The following OTOP1 variants were observed in gnomAD, a reference collection of about 807,000 sequenced individuals.
The protein encoded by OTOP1 is otopetrin 1.
OTOP1 carries 59 observed loss-of-function variants against 52.9 expected under a neutral mutation model. The observed-to-expected ratio is 1.12, with a 90% CI of 0.91 to 1.39. The LOEUF (loss-of-function observed/expected upper bound fraction) is 1.39. OTOP1 is among the 40% of genes most tolerant of loss of function. The probability of loss-of-function intolerance (pLI) is 0.00; values close to 1 mark genes in which losing one functional copy is unlikely to be tolerated. For synonymous variants in OTOP1, 317 were observed against 337.7 expected (o/e 0.94, Z 0.67); for missense variants, 761 against 800.9 (o/e 0.95, Z 0.60).
At chr4:4,207,647 T>C (rs2108801238) in intron 2 of OTOP1, among the ~76,000 whole-genome samples, 2 of 152,262 alleles carry the variant, frequency 1.3e-5, no homozygotes, top group Middle Eastern at 6.8e-3. Flanking sequence ...CTCACAAAGA[T>C]ATTTGTCCAC....
intron 5 of OTOP1, among the ~76,000 whole-genome samples, chr4:4,189,179 T>C (rs1194877990): frequency 6.6e-6 from 1 of 152,152 alleles, no homozygotes; most frequent in Non-Finnish European, 1.5e-5. Context: ...GCTCACTTCC[T>C]CAACCACCCT....
At chr4:4,193,015 C>G (rs1258165731) in intron 5 of OTOP1, among the ~76,000 whole-genome samples, 1 of 152,018 alleles carries the variant, frequency 6.6e-6, no homozygotes, top group African/African-American at 2.4e-5. Flanking sequence ...AAAGTGGGTG[C>G]AATGGGAAAG....
chr4:4,212,941 A>C lies in OTOP1; in HGVS notation c.467T>G (p.Ile156Ser). ...GGCTGATAAACATTCTGAAAATCCA[A>C]TGAAGTATCCAATTTTAAGGCATCC... ...ILGCLKIGYF[I>S]GFSECLSATE... The change falls in exon 2 of 6, where the codon ATT becomes AGT. Residue 156 changes from isoleucine to serine, a missense_variant. Ile to Ser is a moderately radical substitution (Grantham distance 142, BLOSUM62 -2). Transcript: ENST00000296358. The C allele has an allele frequency of 2.5e-6, 4 of 1,614,080 alleles. No individual in the cohort carries two copies. The highest frequency in any genetic ancestry group is 3.4e-6 in the Non-Finnish European group (4 of 1,179,916).
At chr4:4,211,558 C>T (rs971067820) in intron 2 of OTOP1, among the ~76,000 whole-genome samples, 4 of 152,200 alleles carry the variant, frequency 2.6e-5, no homozygotes, top group Admixed American at 1.3e-4. Flanking sequence ...TGCATAATCT[C>T]ACTTATATGT....
chr4:4,200,086 A>G (rs1448598564), intron 4 of OTOP1, among the ~76,000 whole-genome samples: 1 of 152,260 alleles, frequency 6.6e-6, no homozygotes, highest in Admixed American at 6.5e-5. Context: ...GCACACTACA[A>G]AAAAATAACC....
At chr4:4,192,013 T>A (rs531129758) in intron 5 of OTOP1, among the ~76,000 whole-genome samples, 1 of 152,216 alleles carries the variant, frequency 6.6e-6, no homozygotes, top group South Asian at 2.1e-4. Flanking sequence ...TTCAGTTGGC[T>A]ATAAATTCTT....
At chr4:4,216,423 C>T (rs189441082) in intron 1 of OTOP1, among the ~76,000 whole-genome samples, 191 of 152,272 alleles carry the variant, frequency 1.3e-3, no homozygotes, top group African/African-American at 4.4e-3. Context: ...TTTGCTCCTA[C>T]CGACAGGAGG....
At chr4:4,224,167 T>G (rs980059123) in intron 1 of OTOP1, among the ~76,000 whole-genome samples, 2 of 151,746 alleles carry the variant, frequency 1.3e-5, no homozygotes, top group Admixed American at 1.3e-4. Flanking sequence ...GCCAACATGA[T>G]GAAACCCCGT....
intron 1 of OTOP1, among the ~76,000 whole-genome samples, chr4:4,216,157 G>C (rs1013567175): frequency 4.6e-5 from 7 of 152,116 alleles, no homozygotes; most frequent in Non-Finnish European, 1.0e-4. Flanking sequence ...AGCTGAGGAA[G>C]GGCCTGTGCT....
intron 5 of OTOP1, among the ~76,000 whole-genome samples, chr4:4,192,070 C>A (rs1478095023): frequency 3.3e-5 from 5 of 152,222 alleles, no homozygotes; most frequent in Non-Finnish European, 5.9e-5. Flanking sequence ...TTCCTTGAAT[C>A]TAGATGGACT....
At chr4:4,210,547 AG>A (rs1717003804) in intron 2 of OTOP1, among the ~76,000 whole-genome samples, 1 of 152,168 alleles carries the variant, frequency 6.6e-6, no homozygotes, top group South Asian at 2.1e-4. Context: ...TAAAGACACC[AG>A]GGCCAGACGC....
intron 2 of OTOP1, among the ~76,000 whole-genome samples, chr4:4,212,312 G>A (rs1443617159): frequency 9.9e-5 from 15 of 152,064 alleles, no homozygotes; most frequent in Admixed American, 9.8e-4. Flanking sequence ...CCAGTGCTGT[G>A]GGAAACAATC....
intron 2 of OTOP1, among the ~76,000 whole-genome samples, chr4:4,211,288 C>T (rs1439712254): frequency 1.3e-5 from 2 of 152,150 alleles, no homozygotes; most frequent in African/African-American, 4.8e-5. Flanking sequence ...TTCCAAAGAA[C>T]CTTCTCAAAC....
Position 4,202,628 on chromosome 4 carries a change from G to A in OTOP1, c.600-50C>T, listed in dbSNP as rs373344015. ...TCAAGCAGCCCTGGGAGAGCCTCAGGCACCATGGGGTGAGACAGACGTGTG... is the reference window on the plus strand; with the variant it reads ...TCAAGCAGCCCTGGGAGAGCCTCAGACACCATGGGGTGAGACAGACGTGTG... On this transcript the variant is annotated intron_variant, in intron 3 of 5. Coordinates refer to ENST00000296358, the MANE Select transcript of OTOP1 (RefSeq NM_177998.3). The A allele has an allele frequency of 3.8e-5, 61 of 1,605,434 alleles. 1 individual carries two copies. The South Asian group carries it at 5.2e-4, about 14-fold the overall frequency.
At chr4:4,191,040 T>A (rs1177445697) in intron 5 of OTOP1, among the ~76,000 whole-genome samples, 2 of 152,156 alleles carry the variant, frequency 1.3e-5, no homozygotes, top group Non-Finnish European at 2.9e-5. Context: ...GGTGGCAACT[T>A]GAGTGTCTAA....
chr4:4,197,948 C>T lies in OTOP1; in HGVS notation c.886G>A (p.Val296Ile). ...YVLWKNIGRK[V>I]DSHQHQKMQF... ...ATCTTCTGGTGCTGATGGCTGTCAA[C>T]TTTGCGCCCGATGTTCTTCCACAGG... Residue 296 changes from valine to isoleucine, a missense_variant, in exon 5 of 6, where the codon GTT (valine) becomes ATT (isoleucine). By Grantham distance (29) the Val-to-Ile change is conservative. Transcript: ENST00000296358. 6.2e-7 allele frequency: 1 copy of T among 1,614,046 alleles called. No homozygotes were observed. The highest frequency in any genetic ancestry group is 1.1e-5 in the South Asian group (1 of 91,058).
chr4:4,218,585 G>T (rs1421057130), intron 1 of OTOP1, among the ~76,000 whole-genome samples: 1 of 152,150 alleles, frequency 6.6e-6, no homozygotes, highest in Non-Finnish European at 1.5e-5. Context: ...GTGGGACACA[G>T]TGTGGCTCAC....
chr4:4,199,623 G>C (rs1716735166), intron 4 of OTOP1, among the ~76,000 whole-genome samples: 1 of 152,142 alleles, frequency 6.6e-6, no homozygotes, highest in Non-Finnish European at 1.5e-5. Flanking sequence ...ACGTTGGCTA[G>C]GCTGGTCTTG....
chr4:4,221,043 CTATTT>C (rs144687423), intron 1 of OTOP1, among the ~76,000 whole-genome samples: 46,920 of 128,784 alleles, frequency 0.36, 8,995 homozygotes, highest in South Asian at 0.52. Flanking sequence ...TTATTTTATT[CTATTT>C]TATTTTATTT....
Sources: gnomAD v4.1 joint callset for allele counts (sites outside exome capture counted in the v4.1 genomes callset) on GRCh38, gnomAD v4.1.1 for gene constraint, MANE v1.5 for transcripts, NCBI Gene and HGNC (gene_info 2026-07-23, HGNC 2026-07-21) for gene names.